Variants in DHX35 observed in about 807,000 individuals in gnomAD.
DHX35 encodes DEAH-box helicase 35, also known as probable ATP-dependent RNA helicase DHX35.
DHX35 carries 84 observed loss-of-function variants against 99.6 expected under a neutral mutation model. The observed-to-expected ratio is 0.84, with a 90% confidence interval of 0.71 to 1.01. The LOEUF (loss-of-function observed/expected upper bound fraction) is 1.01, where lower values mean the gene tolerates loss of function less well. Among genes scored for constraint, DHX35 ranks in the 50% least tolerant of loss-of-function variants. DHX35 has a pLI of 0.00. For missense variants in DHX35, 852 were observed against 888.5 expected (o/e 0.96, Z 0.52); for synonymous variants, 331 against 316.2 (o/e 1.05, Z -0.50).
intron 1 of DHX35, among the ~76,000 whole-genome samples, chr20:38,964,081 A>C (rs2085874687): frequency 6.6e-6 from 1 of 152,250 alleles, no homozygotes; most frequent in Non-Finnish European, 1.5e-5. Flanking sequence ...TAGATAGGTT[A>C]CTATTATAAT....
intron 3 of DHX35, among the ~76,000 whole-genome samples, chr20:38,979,650 C>G (rs1424551383): frequency 1.3e-5 from 2 of 152,072 alleles, no homozygotes; most frequent in Non-Finnish European, 2.9e-5. Flanking sequence ...TAAATTTGGG[C>G]TATGATCTAG....
chr20:39,000,476 T>C (rs377455249), intron 8 of DHX35, among the ~76,000 whole-genome samples: 1 of 152,214 alleles, frequency 6.6e-6, no homozygotes, highest in African/African-American at 2.4e-5. Context: ...CAAAAGAAAG[T>C]GAACAGGAGT....
intron 8 of DHX35, 140 bp from the exon 9 acceptor site, chr20:39,001,590 G>C (rs1041285728): frequency 3.9e-5 from 20 of 515,586 alleles, no homozygotes; most frequent in Middle Eastern, 5.0e-4. Flanking sequence ...AATGTATTTT[G>C]CAACCCATAA....
chr20:39,013,104 G>A (rs375139989), intron 13 of DHX35, among the ~76,000 whole-genome samples: 16 of 151,408 alleles, frequency 1.1e-4, no homozygotes, highest in African/African-American at 1.9e-4. Context: ...GAAAATTATC[G>A]TAAAACTTTT....
chr20:39,006,418 T>C (rs2086619960), intron 12 of DHX35, 62 bp downstream of exon 12: 1 of 1,564,614 alleles, frequency 6.4e-7, no homozygotes, highest in Non-Finnish European at 8.8e-7. Context: ...CAACAGAGTG[T>C]AGCAAATGTT....
chr20:39,034,065 A>G (rs1407272278), intron 20 of DHX35, 141 bp from the exon 21 acceptor site: 2 of 647,174 alleles, frequency 3.1e-6, no homozygotes, highest in Non-Finnish European at 5.5e-6. Context: ...GTGGTGAGCA[A>G]CATAAATGCA....
At chr20:39,004,255 C>T (rs1370059810) in intron 11 of DHX35, among the ~76,000 whole-genome samples, 8 of 152,108 alleles carry the variant, frequency 5.3e-5, no homozygotes, top group East Asian at 3.9e-4. Flanking sequence ...TTAGTAGAGA[C>T]GGGGTTTCAC....
At chr20:39,020,552 C>A (rs1308931528) in intron 15 of DHX35, among the ~76,000 whole-genome samples, 1 of 151,724 alleles carries the variant, frequency 6.6e-6, no homozygotes, top group Non-Finnish European at 1.5e-5. Flanking sequence ...TTTATGTCAA[C>A]TAGCAATTTA....
intron 20 of DHX35, among the ~76,000 whole-genome samples, chr20:39,031,407 G>T (rs1338971470): frequency 2.7e-5 from 4 of 150,738 alleles, no homozygotes; most frequent in Non-Finnish European, 5.9e-5. Context: ...CGCTATCTTG[G>T]CTCACTGCAA....
intron 20 of DHX35, 81 bp downstream of exon 20, chr20:39,030,856 C>A: frequency 6.8e-7 from 1 of 1,474,080 alleles, no homozygotes; most frequent in Non-Finnish European, 9.5e-7. Context: ...TGTTTCTTGA[C>A]ATCGCCTCTA....
At chr20:38,967,254 A>G (rs2085924781) in intron 1 of DHX35, among the ~76,000 whole-genome samples, 1 of 152,228 alleles carries the variant, frequency 6.6e-6, no homozygotes, top group Non-Finnish European at 1.5e-5. Context: ...AAAGTAAGTC[A>G]CTGAGCTGAA....
intron 17 of DHX35, 60 bp from the exon 18 acceptor site, chr20:39,025,170 C>G (rs888417376): frequency 6.5e-7 from 1 of 1,538,414 alleles, no homozygotes; most frequent in Non-Finnish European, 8.8e-7. Flanking sequence ...ATCTTTACAA[C>G]ATAGCCTTAG....
intron 3 of DHX35, chr20:38,978,186 C>G: frequency 9.7e-7 from 1 of 1,033,076 alleles, no homozygotes; most frequent in Non-Finnish European, 1.5e-6. Context: ...CAGACATTTT[C>G]AAAGTTGCCA....
At chr20:38,973,473 C>CT (rs1159072038) in intron 3 of DHX35, among the ~76,000 whole-genome samples, 1 of 152,202 alleles carries the variant, frequency 6.6e-6, no homozygotes, top group Non-Finnish European at 1.5e-5. Flanking sequence ...GTTCTCATCT[C>CT]TAACTGCCAT....
chr20:39,034,647 G>T (rs1055336899), intron 21 of DHX35, among the ~76,000 whole-genome samples: 6 of 151,466 alleles, frequency 4.0e-5, no homozygotes, highest in South Asian at 2.1e-4. Flanking sequence ...GAGTGCAGTG[G>T]CACGATCATG....
At chr20:39,002,448 T>A (rs1000387028) in intron 9 of DHX35, among the ~76,000 whole-genome samples, 1 of 152,212 alleles carries the variant, frequency 6.6e-6, no homozygotes, top group Non-Finnish European at 1.5e-5. Context: ...GGGAAGAGCG[T>A]GGGCTTCAGC....
chr20:39,001,795 T>C lies in DHX35; in HGVS notation c.708T>C (p.Leu236=), dbSNP rs768430624. ...CAGCAAGGGATACATGTGTGATCCT[T>C]ACAGTGGAAGGGAGAACATTTCCGG... ...SDPARDTCVI[L]TVEGRTFPVD... Residue 236 remains leucine, a synonymous_variant, in exon 9 of 22, where the codon CTT becomes CTC. Transcript: ENST00000252011. 6.2e-7 allele frequency: 1 copy of C among 1,613,902 alleles called. No individual in the cohort carries two copies. Among genetic ancestry groups the C allele is most frequent in the Non-Finnish European group, 8.5e-7 (1 of 1,179,920 alleles).
At position 39,038,669 on chromosome 20, in the gene DHX35, G is replaced by A. The variant is rs1003171433; in HGVS notation, c.*126G>A. ...ATGTTTGGTTGCTCTGAAGTGGGCTGCGGCCTGTTCATTAGTCCTTTCTTC... is the reference window on the plus strand; with the variant it reads ...ATGTTTGGTTGCTCTGAAGTGGGCTACGGCCTGTTCATTAGTCCTTTCTTC... On this transcript the variant is annotated 3_prime_UTR_variant, in exon 22 of 22. Transcript: ENST00000252011. The A allele has an allele frequency of 1.5e-5, 14 of 945,948 alleles. 2 individuals are homozygous for A. The South Asian group carries it at 1.9e-4, about 13-fold the overall frequency. 58.6% of individuals were successfully genotyped at this position (945,948 alleles called of 1,614,324 possible).
intron 5 of DHX35, among the ~76,000 whole-genome samples, chr20:38,991,016 CTG>C (rs150775106): frequency 6.6e-6 from 1 of 152,306 alleles, no homozygotes; most frequent in East Asian, 1.9e-4. Flanking sequence ...TATCTAGAGT[CTG>C]TAAAATAATA....
Sources: gnomAD v4.1 joint callset for allele counts (sites outside exome capture counted in the v4.1 genomes callset) on GRCh38, gnomAD v4.1.1 for gene constraint, MANE v1.5 for transcripts, NCBI Gene and HGNC (gene_info 2026-07-23, HGNC 2026-07-21) for gene names.